CHD5: variants seen among roughly 807,000 people sequenced by gnomAD.
CHD5 encodes the protein chromodomain helicase DNA binding protein 5.
CHD5 carries 69 observed loss-of-function variants against 230.3 expected under a neutral mutation model. The observed-to-expected ratio is 0.30, with a 90% CI of 0.25 to 0.37. The LOEUF (loss-of-function observed/expected upper bound fraction) is 0.37, where lower values mean the gene tolerates loss of function less well. Among genes scored for constraint, CHD5 ranks in the 10% least tolerant of loss-of-function variants. The probability of loss-of-function intolerance (pLI) is 1.00; values close to 1 mark genes in which losing one functional copy is unlikely to be tolerated. For missense variants in CHD5, 1,827 were observed against 2,622.8 expected, an observed-to-expected ratio of 0.70 and a Z score of 6.63; for synonymous variants, 1,064 against 1,065.9, an observed-to-expected ratio of 1.00 and a Z score of 0.03.
Position 6,106,428 on chromosome 1 carries a change from AGTT to A in CHD5, c.5821_5823del (p.Asn1941del). The A allele has an allele frequency of 5.0e-6, 8 of 1,584,676 alleles. No individual in the cohort carries two copies. Among genetic ancestry groups the A allele is most frequent in the Non-Finnish European group, 6.9e-6 (8 of 1,165,954 alleles). On this transcript the variant is annotated inframe_deletion, in exon 40 of 42. Coordinates refer to ENST00000262450, the MANE Select transcript of CHD5 (RefSeq NM_015557.3). ...TAGGGCCCCAGGGGCATCTGGTTGTAGTTGACAATCCCTCCCGGTCCAGGGCCC... is the reference window on the plus strand; with the variant it reads ...TAGGGCCCCAGGGGCATCTGGTTGTAGACAATCCCTCCCGGTCCAGGGCCC...
Position 6,144,133 on chromosome 1 carries a change from G to A in CHD5, c.1825C>T (p.His609Tyr), listed in dbSNP as rs1666874166. ...NHSFDKKGDVHYLIKWKDLPY... is the reference protein window; with the variant it reads ...NHSFDKKGDVYYLIKWKDLPY... Reference sequence around the variant, plus strand: ...AGGTCTTTCCACTTGATCAGGTAGTGCACATCCCCCTTCTTGTCAAAGCTG... The same window carrying A: ...AGGTCTTTCCACTTGATCAGGTAGTACACATCCCCCTTCTTGTCAAAGCTG... Residue 609 changes from histidine to tyrosine, a missense_variant, in exon 12 of 42, where the codon CAC becomes TAC. This residue lies in a region of CHD5 where 657 missense variants were observed against 816.4 expected (regional missense o/e 0.80). Coordinates refer to ENST00000262450, the MANE Select transcript of CHD5 (RefSeq NM_015557.3). 1.2e-6 allele frequency: 2 copies of A among 1,614,070 alleles called. No individual in the cohort carries two copies. Among genetic ancestry groups the A allele is most frequent in the Non-Finnish European group, 1.7e-6 (2 of 1,180,036 alleles).
chr1:6,125,378 C>A lies in CHD5; in HGVS notation c.4261-145G>T. 1 of 1,214,838 alleles carries A rather than the reference C, an allele frequency of 8.2e-7. No individual in the cohort carries two copies. The highest frequency in any genetic ancestry group is 1.5e-5 in the South Asian group (1 of 68,702). The allele number at this position is 1,214,838 out of a possible 1,614,324, so 75.3% of individuals were successfully genotyped here. On this transcript the variant is annotated intron_variant, in intron 28 of 41. Coordinates refer to ENST00000262450, the MANE Select transcript of CHD5 (RefSeq NM_015557.3). This position sits in a 1 kb window ranked among gnomAD's most constrained non-coding sequence, Gnocchi z 6.7. ...GCAGGGGCCTCCACCTGGGGCAGGA[C>A]CCTGACGGCGAAGACCAGACCAAGT...
chr1:6,115,371 C>A (rs1666363944), intron 33 of CHD5, among the ~76,000 whole-genome samples: 2 of 152,190 alleles, frequency 1.3e-5, no homozygotes, highest in Admixed American at 1.3e-4. Flanking sequence ...CTGCAAGATC[C>A]CCTGGAAGGT....
At chr1:6,122,490 T>TA (rs1171583119) in intron 31 of CHD5, among the ~76,000 whole-genome samples, 1 of 152,106 alleles carries the variant, frequency 6.6e-6, no homozygotes, top group Non-Finnish European at 1.5e-5. Context: ...AGAGAACAAT[T>TA]ACTGCTGAAG....
At chr1:6,140,797 C>T (rs1315206934) in intron 15 of CHD5, among the ~76,000 whole-genome samples, 3 of 151,918 alleles carry the variant, frequency 2.0e-5, no homozygotes, top group Non-Finnish European at 4.4e-5. Context: ...CCCAGAAGTA[C>T]AAGACCAGCC....
chr1:6,109,351 C>T (rs12046716), intron 38 of CHD5, among the ~76,000 whole-genome samples: 10,925 of 152,278 alleles, frequency 0.072, 585 homozygotes, highest in East Asian at 0.24. Flanking sequence ...CCTGTGACCA[C>T]AGGCAGAGAT....
Position 6,126,552 on chromosome 1 carries a change from C to T in CHD5, c.4078+20G>A, listed in dbSNP as rs375034825. 1 of 1,611,446 alleles carries T rather than the reference C, an allele frequency of 6.2e-7. No homozygotes were observed. The highest frequency in any genetic ancestry group is 1.1e-5 in the South Asian group (1 of 90,992). On this transcript the variant is annotated intron_variant, in intron 26 of 41. Transcript: ENST00000262450. The surrounding 1 kb of genome is among the most constrained non-coding windows in gnomAD (Gnocchi z 5.7). ...CCGCCTCTGGGTGAGGGGCACCAGT[C>T]CCTCCCTCCCGGCACGCACCCTGGT...
Position 6,136,818 on chromosome 1 carries a change from G to A in CHD5, c.2484C>T (p.Leu828=). The A allele has an allele frequency of 6.2e-7, 1 of 1,613,524 alleles. No homozygotes were observed. Among genetic ancestry groups the A allele is most frequent in the Non-Finnish European group, 8.5e-7 (1 of 1,179,542 alleles). ...KFHVLLTSYE[L]ITIDQAILGS... ...CCAGGATGGCCTGGTCAATGGTGATGAGCTCATAGGAGGTGAGCAGCACGT... is the reference window on the plus strand; with the variant it reads ...CCAGGATGGCCTGGTCAATGGTGATAAGCTCATAGGAGGTGAGCAGCACGT... Residue 828 remains leucine, a synonymous_variant, in exon 16 of 42, where the codon CTC becomes CTT. Transcript: ENST00000262450.
rs1666155767 is a variant in CHD5 at position 6,105,928 on chromosome 1, G to C, written c.*46+306C>G. Among the ~76,000 whole-genome samples the C allele has an allele frequency of 6.6e-6, 1 of 152,158 alleles. No individual in the cohort carries two copies. The highest frequency in any genetic ancestry group is 2.4e-5 in the African/African-American group (1 of 41,440). ...GGGCAGCAGTCTCTGACTTCCGCTG[G>C]GAACATGTGTGCAAATGAGAACACA... On this transcript the variant is annotated intron_variant, in intron 41 of 41. Coordinates refer to ENST00000262450, the MANE Select transcript of CHD5 (RefSeq NM_015557.3). This position sits in a 1 kb window ranked among gnomAD's most constrained non-coding sequence, Gnocchi z 4.8.
At chr1:6,127,738 A>G (rs1274254894) in intron 25 of CHD5, among the ~76,000 whole-genome samples, 2 of 152,200 alleles carry the variant, frequency 1.3e-5, no homozygotes, top group Non-Finnish European at 2.9e-5. Flanking sequence ...TGGCCGGCCC[A>G]TGTGGCTGTA....
chr1:6,112,479 G>T (rs1369304314), intron 34 of CHD5, among the ~76,000 whole-genome samples: 1 of 152,190 alleles, frequency 6.6e-6, no homozygotes, highest in Admixed American at 6.5e-5. Flanking sequence ...CCAGGTCCTA[G>T]TGCTCCTCCC....
chr1:6,159,228 CA>C, intron 3 of CHD5, 107 bp downstream of exon 3: 1 of 61,262 alleles, frequency 1.6e-5, no homozygotes, highest in Non-Finnish European at 2.1e-5. Context: ...GAGACTCCAT[CA>C]CACACACACA....
chr1:6,150,877 G>A (rs1666995966), intron 7 of CHD5, among the ~76,000 whole-genome samples, 155 bp downstream of exon 7: 1 of 152,156 alleles, frequency 6.6e-6, no homozygotes, highest in Admixed American at 6.5e-5. Context: ...CCACCTGGCT[G>A]AGACATGAGG....
Position 6,130,369 on chromosome 1 carries a change from T to C in CHD5, c.3263-41A>G. Reference sequence around the variant, plus strand: ...CAGCAGATGGGAGTGTTTGGGGGGGTACACCTTGGGTGGGCAGAAAGGATG... The same window carrying C: ...CAGCAGATGGGAGTGTTTGGGGGGGCACACCTTGGGTGGGCAGAAAGGATG... On this transcript the variant is annotated intron_variant, in intron 21 of 41. Coordinates refer to ENST00000262450, the MANE Select transcript of CHD5 (RefSeq NM_015557.3). This position sits in a 1 kb window ranked among gnomAD's most constrained non-coding sequence, Gnocchi z 4.9. The C allele has an allele frequency of 1.9e-6, 3 of 1,588,590 alleles. No homozygotes were observed. Among genetic ancestry groups the C allele is most frequent in the Non-Finnish European group, 2.6e-6 (3 of 1,165,656 alleles).
At position 6,155,117 on chromosome 1, in the gene CHD5, GCTTCCTGTCCACACCCACAGCCCACC is replaced by G. The variant is rs1287965898; in HGVS notation, c.507-245_507-220del. On this transcript the variant is annotated intron_variant, in intron 4 of 41. Coordinates refer to ENST00000262450, the MANE Select transcript of CHD5 (RefSeq NM_015557.3). The surrounding 1 kb of genome is among the most constrained non-coding windows in gnomAD (Gnocchi z 4.0). ...CCACAGCCCACCCCCAAAACACCCA[GCTTCCTGTCCACACCCACAGCCCACC>G]CCCAAAACACCCAGCTTCCTGTCCA... 8.8e-6 allele frequency among the ~76,000 whole-genome samples: 1 copy of G among 113,676 alleles called. No homozygotes were observed. Among genetic ancestry groups the G allele is most frequent in the Non-Finnish European group, 1.8e-5 (1 of 56,458 alleles). 74.6% of individuals were successfully genotyped at this position (113,676 alleles called of 152,430 possible). A position where few individuals can be genotyped will look rare whatever the true frequency, so the allele number is the denominator to read the frequency against.
At chr1:6,169,831 G>A (rs1414638179) in intron 1 of CHD5, among the ~76,000 whole-genome samples, 1 of 152,114 alleles carries the variant, frequency 6.6e-6, no homozygotes, top group African/African-American at 2.4e-5. Flanking sequence ...TGTGCACTCA[G>A]GAGCACTCAG....
rs752882545 is a variant in CHD5, at chr1:6,102,142, T to A, written c.*3332A>T. On this transcript the variant is annotated 3_prime_UTR_variant, in exon 42 of 42. Transcript: ENST00000262450. Reference sequence around the variant, plus strand: ...CCCACGGGCCAGTGGGGACCCTCCCTTCCTCTCCAGGGGTGCTTGGGCTCC... The same window carrying A: ...CCCACGGGCCAGTGGGGACCCTCCCATCCTCTCCAGGGGTGCTTGGGCTCC... The A allele has an allele frequency of 3.3e-6, 1 of 301,124 alleles. No homozygotes were observed. The highest frequency in any genetic ancestry group is 2.5e-5 in the South Asian group (1 of 40,014). The allele number at this position is 301,124 out of a possible 1,614,324, so 18.7% of individuals were successfully genotyped here.
intron 15 of CHD5, among the ~76,000 whole-genome samples, chr1:6,140,428 G>A (rs1232312016): frequency 6.6e-6 from 1 of 151,740 alleles, no homozygotes; most frequent in East Asian, 1.9e-4. Context: ...AAAAGAAAAA[G>A]AAATGCAGAG....
intron 33 of CHD5, among the ~76,000 whole-genome samples, chr1:6,115,269 G>T (rs1666362279): frequency 6.6e-6 from 1 of 151,212 alleles, no homozygotes; most frequent in Non-Finnish European, 1.5e-5. Flanking sequence ...AAAAAAGAAA[G>T]GAAACACACA....
Sources: gnomAD v4.1 joint callset for allele counts (sites outside exome capture counted in the v4.1 genomes callset) on GRCh38, gnomAD v4.1.1 for gene constraint, gnomAD v4.1.1 regional missense constraint, Gnocchi (gnomAD v3.1) non-coding constraint, MANE v1.5 for transcripts, NCBI Gene and HGNC (gene_info 2026-07-23, HGNC 2026-07-21) for gene names.